Variants in CLASP1 observed in about 807,000 individuals in gnomAD.
The protein encoded by CLASP1 is cytoplasmic linker associated protein 1.
Under a neutral mutation model 192.3 loss-of-function variants are expected in CLASP1, and 38 were observed. The ratio of observed to expected loss-of-function variants is 0.20; its 90% CI spans 0.15 to 0.26. CLASP1 has a LOEUF of 0.26. Ranked by LOEUF, CLASP1 falls within the 10% of genes least tolerant of loss-of-function variation. CLASP1 has a pLI of 1.00. For missense variants in CLASP1, 1,433 were observed against 1,932.5 expected, an observed-to-expected ratio of 0.74 and a Z score of 4.85; for synonymous variants, 691 against 712.8, an observed-to-expected ratio of 0.97 and a Z score of 0.49.
chr2:121,480,335 G>A (rs1242663492), intron 8 of CLASP1, among the ~76,000 whole-genome samples: 1 of 152,188 alleles, frequency 6.6e-6, no homozygotes, highest in East Asian at 1.9e-4. Flanking sequence ...GTTCACACTG[G>A]GTAAGAGCTG....
intron 31 of CLASP1, among the ~76,000 whole-genome samples, 181 bp downstream of exon 32, chr2:121,387,582 G>A (rs944799871): frequency 6.6e-6 from 1 of 152,122 alleles, no homozygotes; most frequent in African/African-American, 2.4e-5. Context: ...AGAAAAAACG[G>A]CATACTTAAA....
intron 1 of CLASP1, among the ~76,000 whole-genome samples, chr2:121,636,671 A>C (rs2070936164): frequency 6.6e-6 from 1 of 152,042 alleles, no homozygotes; most frequent in South Asian, 2.1e-4. Context: ...CTCTCAAAAA[A>C]ATAACAATAA....
chr2:121,459,126 T>C (rs1432953571), intron 12 of CLASP1, among the ~76,000 whole-genome samples, 151 bp from the exon 13 acceptor site: 3 of 151,828 alleles, frequency 2.0e-5, no homozygotes, highest in Non-Finnish European at 2.9e-5. Flanking sequence ...ACTTGGCAAA[T>C]AGTTCTTAGC....
chr2:121,642,707 G>A (rs1338514490), intron 1 of CLASP1, among the ~76,000 whole-genome samples: 2 of 152,170 alleles, frequency 1.3e-5, no homozygotes, highest in Non-Finnish European at 1.5e-5. Context: ...ACTCCAGCCT[G>A]GGCGTCAGAG....
intron 9 of CLASP1, among the ~76,000 whole-genome samples, chr2:121,463,519 G>T (rs1357462999): frequency 6.6e-6 from 1 of 152,176 alleles, no homozygotes; most frequent in Admixed American, 6.5e-5. Context: ...GTGGTGCTCT[G>T]TGTCTGTTTT....
chr2:121,389,008 CTAAAAT>C (rs2073857446), intron 30 of CLASP1, among the ~76,000 whole-genome samples: 2 of 151,984 alleles, frequency 1.3e-5, no homozygotes. Flanking sequence ...TTTTACAATG[CTAAAAT>C]TAATTATAGG....
intron 1 of CLASP1, among the ~76,000 whole-genome samples, chr2:121,625,041 C>T (rs970880988): frequency 6.6e-6 from 1 of 152,028 alleles, no homozygotes; most frequent in Admixed American, 6.5e-5. Flanking sequence ...GATTTCCATC[C>T]GTTAAATTAA....
At chr2:121,648,801 G>A (rs1265676962) in intron 1 of CLASP1, among the ~76,000 whole-genome samples, 3 of 152,328 alleles carry the variant, frequency 2.0e-5, no homozygotes, top group Non-Finnish European at 4.4e-5. Flanking sequence ...GAACCAAGGG[G>A]ACCTTGTGCA....
chr2:121,525,805 T>C, intron 6 of CLASP1, 40 bp downstream of exon 6: 1 of 1,444,848 alleles, frequency 6.9e-7, no homozygotes, highest in East Asian at 2.3e-5. Context: ...CAACAGTCTG[T>C]AAGCAATGAC....
chr2:121,425,120 G>T lies in CLASP1; in HGVS notation c.2212+19C>A. The stretch of plus-strand genomic sequence containing the variant: ...GACCAAGCTGGGAATGGTATTCCAA[G>T]ATCTTTGAGAATCCTTACCTAATCC... On this transcript the variant is annotated intron_variant, in intron 22 of 39. Coordinates refer to ENST00000263710, the Ensembl canonical transcript of CLASP1. 1 of 1,588,666 alleles carries T rather than the reference G, an allele frequency of 6.3e-7. No individual in the cohort carries two copies. The highest frequency in any genetic ancestry group is 1.1e-5 in the South Asian group (1 of 87,848).
At chr2:121,435,510 G>A (rs2082148456) in intron 19 of CLASP1, among the ~76,000 whole-genome samples, 1 of 152,160 alleles carries the variant, frequency 6.6e-6, no homozygotes, top group Non-Finnish European at 1.5e-5. Flanking sequence ...CCAACCTCAG[G>A]TGATCTGCCC....
intron 2 of CLASP1, among the ~76,000 whole-genome samples, chr2:121,597,691 T>C (rs926848787): frequency 2.0e-5 from 3 of 152,230 alleles, no homozygotes; most frequent in African/African-American, 4.8e-5. Flanking sequence ...GAGAAAGGCC[T>C]GTGGGACTGT....
chr2:121,539,869 T>C (rs1186124159), intron 2 of CLASP1, among the ~76,000 whole-genome samples: 1 of 152,178 alleles, frequency 6.6e-6, no homozygotes, highest in Non-Finnish European at 1.5e-5. Context: ...AGTTGTTCAA[T>C]TTCTACTAGT....
chr2:121,357,348 A>C (rs895111419), intron 37 of CLASP1, among the ~76,000 whole-genome samples: 16 of 152,146 alleles, frequency 1.1e-4, no homozygotes, highest in African/African-American at 3.9e-4. Context: ...AATTTTCAAC[A>C]ATGTCAACCA....
chr2:121,518,596 G>T (rs1033966005), intron 6 of CLASP1, among the ~76,000 whole-genome samples: 2 of 152,128 alleles, frequency 1.3e-5, no homozygotes, highest in Admixed American at 1.3e-4. Flanking sequence ...GGTCGGGCGC[G>T]GTGGCTCATG....
rs114972343 is a variant in CLASP1 at position 121,472,869 on chromosome 2, T to C, written c.713-2909A>G. On this transcript the variant is annotated intron_variant, in intron 8 of 39. Transcript: ENST00000263710. Reference sequence around the variant, plus strand: ...GTCAGGTCTTAGTGAGACTGAAGTATGTCTGGAGTGCAAGTTAAATGAAAT... The same window carrying C: ...GTCAGGTCTTAGTGAGACTGAAGTACGTCTGGAGTGCAAGTTAAATGAAAT... Among the ~76,000 whole-genome samples, 951 of 152,346 alleles carry C rather than the reference T, an allele frequency of 6.2e-3. 13 individuals are homozygous for C. Among genetic ancestry groups the C allele is most frequent in the African/African-American group, 0.021 (882 of 41,590 alleles).
chr2:121,549,320 A>G (rs1280745189), intron 2 of CLASP1, among the ~76,000 whole-genome samples: 1 of 152,230 alleles, frequency 6.6e-6, no homozygotes, highest in African/African-American at 2.4e-5. Flanking sequence ...TTAAAACAAC[A>G]AAGATCAAAA....
chr2:121,585,554 A>G (rs187098502), intron 2 of CLASP1, among the ~76,000 whole-genome samples: 90 of 152,288 alleles, frequency 5.9e-4, no homozygotes, highest in African/African-American at 2.1e-3. Context: ...AGGAAAAAAC[A>G]AAAAACAGAT....
intron 1 of CLASP1, among the ~76,000 whole-genome samples, chr2:121,623,598 G>A (rs1335229152): frequency 6.6e-6 from 1 of 152,070 alleles, no homozygotes; most frequent in Non-Finnish European, 1.5e-5. Flanking sequence ...AGTGTGTGGA[G>A]AATTTATGTT....
Sources: gnomAD v4.1 joint callset for allele counts (sites outside exome capture counted in the v4.1 genomes callset) on GRCh38, gnomAD v4.1.1 for gene constraint, MANE v1.5 for transcripts, NCBI Gene and HGNC (gene_info 2026-07-23, HGNC 2026-07-21) for gene names.